THSD7B: variants seen among roughly 807,000 people sequenced by gnomAD.
The protein encoded by THSD7B is thrombospondin type-1 domain-containing protein 7B.
In THSD7B, 138 loss-of-function variants were observed where a neutral mutation model predicts 213.6. The ratio of observed to expected loss-of-function variants is 0.65; its 90% CI spans 0.56 to 0.74. THSD7B has a LOEUF of 0.74. Ranked by LOEUF, THSD7B falls within the 30% of genes least tolerant of loss-of-function variation. The pLI is 0.00. For synonymous variants in THSD7B, 742 were observed against 687.0 expected (o/e 1.08, Z -1.25); for missense variants, 1,931 against 1,991.5 (o/e 0.97, Z 0.58).
At chr2:137,369,525 C>A (rs1355406709) in intron 12 of THSD7B, among the ~76,000 whole-genome samples, 1 of 152,046 alleles carries the variant, frequency 6.6e-6, no homozygotes, top group East Asian at 1.9e-4. Context: ...GAAATTAAAT[C>A]CAAGATTATA....
At chr2:137,124,840 A>G (rs1688605158) in intron 5 of THSD7B, among the ~76,000 whole-genome samples, 1 of 152,202 alleles carries the variant, frequency 6.6e-6, no homozygotes, top group African/African-American at 2.4e-5. Context: ...ATTGCCTCAC[A>G]TACTTACCAT....
At chr2:137,241,829 A>G (rs1264546686) in intron 9 of THSD7B, among the ~76,000 whole-genome samples, 1 of 151,896 alleles carries the variant, frequency 6.6e-6, no homozygotes, top group Non-Finnish European at 1.5e-5. Flanking sequence ...GAGTCACTTG[A>G]ACTTGGGAGG....
At chr2:136,867,296 A>G (rs1683349072) in intron 1 of THSD7B, among the ~76,000 whole-genome samples, 1 of 152,180 alleles carries the variant, frequency 6.6e-6, no homozygotes, top group Non-Finnish European at 1.5e-5. Flanking sequence ...TTCAGTGGAC[A>G]TTTTGATGGA....
At chr2:137,295,055 T>C (rs561049838) in intron 12 of THSD7B, among the ~76,000 whole-genome samples, 1 of 152,222 alleles carries the variant, frequency 6.6e-6, no homozygotes, top group African/African-American at 2.4e-5. Context: ...TTTTTCTCCT[T>C]CCTCTCCCCC....
intron 5 of THSD7B, among the ~76,000 whole-genome samples, chr2:137,147,771 G>A (rs73960913): frequency 0.022 from 3,296 of 152,220 alleles, 69 homozygotes; most frequent in Admixed American, 0.06. Context: ...TGAAGTCTAC[G>A]AGACCTAGCT....
chr2:137,060,249 A>G (rs1687246563), intron 3 of THSD7B, among the ~76,000 whole-genome samples: 1 of 151,998 alleles, frequency 6.6e-6, no homozygotes, highest in African/African-American at 2.4e-5. Flanking sequence ...TTATTTGTAT[A>G]TTTTGGATAC....
chr2:136,792,671 A>G (rs888543858), intron 1 of THSD7B, among the ~76,000 whole-genome samples: 7 of 152,030 alleles, frequency 4.6e-5, no homozygotes, highest in African/African-American at 1.7e-4. Context: ...GCTCTAAAAA[A>G]TAAAGGTTAT....
chr2:137,598,865 T>G (rs1239409332), intron 17 of THSD7B, among the ~76,000 whole-genome samples: 8 of 132,638 alleles, frequency 6.0e-5, no homozygotes, highest in Admixed American at 5.0e-4. Flanking sequence ...TCTTTTATGT[T>G]TCATTTTGGT....
At chr2:136,984,119 A>G (rs2104810169) in intron 2 of THSD7B, among the ~76,000 whole-genome samples, 1 of 152,354 alleles carries the variant, frequency 6.6e-6, no homozygotes, top group South Asian at 2.1e-4. Context: ...GTCTGTGATG[A>G]ATTATCAACC....
intron 12 of THSD7B, among the ~76,000 whole-genome samples, chr2:137,371,012 T>A (rs1028083146): frequency 6.6e-6 from 1 of 152,140 alleles, no homozygotes; most frequent in African/African-American, 2.4e-5. Context: ...TTTTAAAAAA[T>A]CTTATTAAGA....
intron 2 of THSD7B, among the ~76,000 whole-genome samples, chr2:136,902,624 G>A (rs1348606317): frequency 1.3e-5 from 2 of 152,168 alleles, no homozygotes; most frequent in South Asian, 2.1e-4. Flanking sequence ...GTGGACCTTC[G>A]TGGTATACAT....
chr2:137,505,563 C>T (rs1679814543), intron 15 of THSD7B, among the ~76,000 whole-genome samples: 2 of 152,204 alleles, frequency 1.3e-5, no homozygotes, highest in Admixed American at 6.5e-5. Context: ...CTCTGTGCCA[C>T]GTGATCATGC....
intron 5 of THSD7B, among the ~76,000 whole-genome samples, chr2:137,145,489 C>G (rs1573851527): frequency 6.6e-6 from 1 of 152,034 alleles, no homozygotes; most frequent in East Asian, 1.9e-4. Context: ...CTTAGGGAGC[C>G]CCTAAAGGCT....
At chr2:137,516,334 C>G (rs570955285) in intron 15 of THSD7B, among the ~76,000 whole-genome samples, 1 of 152,180 alleles carries the variant, frequency 6.6e-6, no homozygotes, top group East Asian at 1.9e-4. Context: ...CAGACTTGAA[C>G]CAGTTTACAT....
At chr2:136,804,823 C>G (rs767807847) in intron 1 of THSD7B, among the ~76,000 whole-genome samples, 2 of 152,102 alleles carry the variant, frequency 1.3e-5, no homozygotes, top group Non-Finnish European at 2.9e-5. Context: ...ATGCTGCTGC[C>G]AGAGAGTGAT....
chr2:137,642,452 C>G, intron 20 of THSD7B, 36 bp from the exon 21 acceptor site: 1 of 1,609,790 alleles, frequency 6.2e-7, no homozygotes, highest in Non-Finnish European at 8.5e-7. Flanking sequence ...CCAAGCCAAA[C>G]TAACTGAAAA....
chr2:137,120,719 C>T (rs898520096), intron 5 of THSD7B, among the ~76,000 whole-genome samples: 2 of 152,190 alleles, frequency 1.3e-5, no homozygotes, highest in African/African-American at 4.8e-5. Context: ...CTCCAGATCT[C>T]TAGTGTTAAC....
intron 7 of THSD7B, among the ~76,000 whole-genome samples, chr2:137,173,562 A>G (rs181889774): frequency 3.3e-5 from 5 of 152,292 alleles, no homozygotes; most frequent in African/African-American, 4.8e-5. Context: ...CACTGAACTT[A>G]TGTGTGCAGA....
rs537926103 is a variant in THSD7B at position 136,978,025 on chromosome 2, C to T, written c.140-78395C>T. 7.9e-5 allele frequency among the ~76,000 whole-genome samples: 12 copies of T among 152,212 alleles called. No homozygotes were observed. The East Asian group carries it at 2.1e-3, about 27-fold the overall frequency. On this transcript the variant is annotated intron_variant, in intron 2 of 27. Transcript: ENST00000409968. ...TGTTGGCCAGGCTGGTCTTGAACTC[C>T]TGACCTCAGGTGATCTGCCAGCCTC...
Sources: allele counts gnomAD v4.1 joint callset (sites outside exome capture counted in the v4.1 genomes callset), GRCh38; gene constraint gnomAD v4.1.1; transcripts MANE v1.5; gene names NCBI Gene and HGNC (gene_info 2026-07-23, HGNC 2026-07-21).